Variants in TPST2 observed in about 807,000 individuals in gnomAD.
TPST2 encodes the protein protein-tyrosine sulfotransferase 2.
Under a neutral mutation model 27.8 loss-of-function variants are expected in TPST2, and 16 were observed. That is an observed-to-expected ratio of 0.58 (90% CI 0.39 to 0.88). TPST2 has a LOEUF of 0.88. Among genes scored for constraint, TPST2 ranks in the 40% least tolerant of loss-of-function variants. The pLI is 0.00. For synonymous variants in TPST2, 229 were observed against 231.7 expected, an observed-to-expected ratio of 0.99 and a Z score of 0.10; for missense variants, 464 against 543.1, an observed-to-expected ratio of 0.85 and a Z score of 1.45.
intron 1 of TPST2, 108 bp from the exon 2 acceptor site, chr22:26,544,783 A>C: frequency 1.9e-6 from 1 of 520,284 alleles, no homozygotes; most frequent in Non-Finnish European, 2.5e-6. Context: ...CTGGACAGTG[A>C]CATTTGGGAG....
At chr22:26,583,436 C>CAAAAAAAAAAA (rs775047318) in intron 1 of TPST2, among the ~76,000 whole-genome samples, 5 of 63,640 alleles carry the variant, frequency 7.9e-5, no homozygotes, top group Admixed American at 2.1e-4. Flanking sequence ...AACTCCATCT[C>CAAAAAAAAAAA]AAAAAAAAAA....
chr22:26,525,913 C>T lies in TPST2; in HGVS notation c.*362G>A, dbSNP rs535968347. 1 of 152,270 alleles carries T rather than the reference C, an allele frequency of 6.6e-6. No homozygotes were observed. Among genetic ancestry groups the T allele is most frequent in the South Asian group, 2.1e-4 (1 of 4,824 alleles). 9.4% of individuals were successfully genotyped at this position (152,270 alleles called of 1,614,324 possible). On this transcript the variant is annotated 3_prime_UTR_variant, in exon 7 of 7. Transcript: ENST00000338754. ...TCAAAGTAAGGGTCAATAGGAGAGG[C>T]ACAGGTTGTGGGCCTTGTCCCAGCA... is the stretch of plus-strand genomic sequence containing the variant.
chr22:26,528,371 G>T, intron 5 of TPST2, 109 bp from the exon 6 acceptor site: 1 of 1,310,356 alleles, frequency 7.6e-7, no homozygotes, highest in Non-Finnish European at 1.1e-6. Flanking sequence ...GCTTATTCAC[G>T]TAGTATTTAC....
chr22:26,541,647 G>T lies in TPST2; in HGVS notation c.-17C>A. 6.5e-7 allele frequency: 1 copy of T among 1,545,274 alleles called. No individual in the cohort carries two copies. Among genetic ancestry groups the T allele is most frequent in the Non-Finnish European group, 8.7e-7 (1 of 1,152,320 alleles). Reference sequence around the variant, plus strand: ...CAGGCGCATGCTGGGCCGGAGGCAGGGTAGGCCTGGCCTGAGGGCCCGCTT... The same window carrying T: ...CAGGCGCATGCTGGGCCGGAGGCAGTGTAGGCCTGGCCTGAGGGCCCGCTT... On this transcript the variant is annotated 5_prime_UTR_variant, in exon 3 of 7. Transcript: ENST00000338754. The surrounding 1 kb of genome is among the most constrained non-coding windows in gnomAD (Gnocchi z 5.9).
intron 1 of TPST2, among the ~76,000 whole-genome samples, chr22:26,588,187 G>A (rs1928415055): frequency 8.2e-6 from 1 of 121,864 alleles, no homozygotes; most frequent in African/African-American, 3.2e-5. Flanking sequence ...CCATAAAAAG[G>A]AACGAAGTAC....
intron 1 of TPST2, among the ~76,000 whole-genome samples, chr22:26,572,431 G>C (rs970013037): frequency 6.6e-6 from 1 of 152,164 alleles, no homozygotes; most frequent in African/African-American, 2.4e-5. Flanking sequence ...CTTGGATCTA[G>C]CCATACCTGA....
chr22:26,538,619 C>T lies in TPST2; in HGVS notation c.843-2133G>A, dbSNP rs562111090. On this transcript the variant is annotated intron_variant, in intron 3 of 6. Coordinates refer to ENST00000338754, the MANE Select transcript of TPST2 (RefSeq NM_003595.5). ...GGCAGATCACCTGAGGTCACGAGTT[C>T]GAGACCAGCCTGGCCAACATGGCAA... Among the ~76,000 whole-genome samples, 171 of 152,302 alleles carry T rather than the reference C, an allele frequency of 1.1e-3. 2 individuals carry two copies. The highest frequency in any genetic ancestry group is 3.0e-3 in the African/African-American group (124 of 41,568).
chr22:26,579,068 T>C lies in TPST2; in HGVS notation c.-161+10985A>G, dbSNP rs546109694. On this transcript the variant is annotated intron_variant, in intron 1 of 6. Transcript: ENST00000338754. Reference sequence around the variant, plus strand: ...GGTTTCGCCATGTTGCTCAGGCTGGTCTTGAACCCCTGAGCTCACGCAAGT... The same window carrying C: ...GGTTTCGCCATGTTGCTCAGGCTGGCCTTGAACCCCTGAGCTCACGCAAGT... Among the ~76,000 whole-genome samples, 6 of 152,214 alleles carry C rather than the reference T, an allele frequency of 3.9e-5. No individual in the cohort carries two copies. In the South Asian group the frequency reaches 1.2e-3, roughly 32 times the overall value.
chr22:26,537,870 T>C (rs1377302702), intron 3 of TPST2, among the ~76,000 whole-genome samples: 2 of 152,182 alleles, frequency 1.3e-5, no homozygotes. Flanking sequence ...CGCTAGTTTT[T>C]TTTCCCCACT....
At position 26,567,110 on chromosome 22, in the gene TPST2, G is replaced by C. The variant is rs147710663; in HGVS notation, c.-160-22435C>G. Among the ~76,000 whole-genome samples, 188 of 152,268 alleles carry C rather than the reference G, an allele frequency of 1.2e-3. 1 individual carries two copies. Among genetic ancestry groups the C allele is most frequent in the African/African-American group, 4.4e-3 (182 of 41,544 alleles). On this transcript the variant is annotated intron_variant, in intron 1 of 6. Coordinates refer to ENST00000338754, the MANE Select transcript of TPST2 (RefSeq NM_003595.5). ...ACACTGGTCTATTGCGGGGTAAGAG[G>C]GGGTGAGACTAAGCCGATTCTTTCC...
chr22:26,528,398 GCC>G, intron 5 of TPST2, 136 bp from the exon 6 acceptor site: 1 of 1,124,622 alleles, frequency 8.9e-7, no homozygotes, highest in Non-Finnish European at 1.3e-6. Context: ...TCTACTATGT[GCC>G]AGGTGCTGGG....
intron 1 of TPST2, among the ~76,000 whole-genome samples, chr22:26,546,623 C>T (rs1402302792): frequency 1.3e-5 from 2 of 152,270 alleles, no homozygotes; most frequent in African/African-American, 4.8e-5. Context: ...GTGCATCCAA[C>T]ATGCAGCTAC....
chr22:26,588,395 G>C (rs574570574), intron 1 of TPST2, among the ~76,000 whole-genome samples: 6 of 152,262 alleles, frequency 3.9e-5, no homozygotes, highest in African/African-American at 9.6e-5. Flanking sequence ...GGGAAGAAAG[G>C]ATTGGGGAGT....
chr22:26,563,091 A>C (rs1186409450), intron 1 of TPST2, among the ~76,000 whole-genome samples: 1 of 152,168 alleles, frequency 6.6e-6, no homozygotes, highest in Non-Finnish European at 1.5e-5. Flanking sequence ...TGGATTCTAC[A>C]TAGCCTCCTG....
chr22:26,566,033 C>T (rs1262997689), intron 1 of TPST2, among the ~76,000 whole-genome samples: 2 of 152,174 alleles, frequency 1.3e-5, no homozygotes, highest in African/African-American at 2.4e-5. Context: ...TAGATAAAGA[C>T]TTGAAATTCA....
intron 1 of TPST2, among the ~76,000 whole-genome samples, chr22:26,570,912 G>A (rs1927601566): frequency 6.6e-6 from 1 of 152,068 alleles, no homozygotes; most frequent in Non-Finnish European, 1.5e-5. Context: ...CTCACCACCC[G>A]CACTGCCAGA....
chr22:26,585,371 T>C (rs1928303348), intron 1 of TPST2, among the ~76,000 whole-genome samples: 1 of 152,064 alleles, frequency 6.6e-6, no homozygotes, highest in Admixed American at 6.5e-5. Context: ...GGTCCTTCCC[T>C]GCAATTTCTG....
At chr22:26,546,451 G>A (rs113811966) in intron 1 of TPST2, among the ~76,000 whole-genome samples, 9,999 of 152,268 alleles carry the variant, frequency 0.066, 374 homozygotes, top group Middle Eastern at 0.099. Context: ...AGGATGGCTC[G>A]CCCAGCTGCC....
intron 1 of TPST2, among the ~76,000 whole-genome samples, chr22:26,586,150 G>A (rs957872127): frequency 4.6e-5 from 7 of 152,060 alleles, no homozygotes; most frequent in Admixed American, 2.0e-4. Flanking sequence ...CCTCAGTAGG[G>A]TACACTGACA....
Sources: allele counts gnomAD v4.1 joint callset (sites outside exome capture counted in the v4.1 genomes callset), GRCh38; gene constraint gnomAD v4.1.1; non-coding constraint Gnocchi (gnomAD v3.1); transcripts MANE v1.5; gene names NCBI Gene and HGNC (gene_info 2026-07-23, HGNC 2026-07-21).